The following ACACA variants were observed in gnomAD, a reference collection of about 807,000 sequenced individuals.
The protein encoded by ACACA is acetyl-CoA carboxylase 1.
In ACACA, 103 loss-of-function variants were observed where a neutral mutation model predicts 296.1. The observed-to-expected ratio is 0.35, with a 90% CI of 0.30 to 0.41. The LOEUF (loss-of-function observed/expected upper bound fraction) is 0.41, where lower values mean the gene tolerates loss of function less well. Among genes scored for constraint, ACACA ranks in the 10% least tolerant of loss-of-function variants. The probability of loss-of-function intolerance (pLI) is 1.00; values close to 1 mark genes in which losing one functional copy is unlikely to be tolerated. For synonymous variants in ACACA, 953 were observed against 1,038.6 expected, an observed-to-expected ratio of 0.92 and a Z score of 1.58; for missense variants, 1,554 against 2,989.7, an observed-to-expected ratio of 0.52 and a Z score of 11.20.
chr17:37,181,824 C>T (rs2077331601), intron 39 of ACACA, among the ~76,000 whole-genome samples: 1 of 136,618 alleles, frequency 7.3e-6, no homozygotes, highest in Non-Finnish European at 1.5e-5. Context: ...GGCGTGAACC[C>T]AGGAGGTGGA....
intron 18 of ACACA, 151 bp from the exon 19 acceptor site, chr17:37,247,127 C>A: frequency 2.3e-6 from 2 of 858,422 alleles, no homozygotes; most frequent in Non-Finnish European, 3.8e-6. Flanking sequence ...TTTACAATGT[C>A]AATTAACATA....
chr17:37,390,321 T>TA lies in ACACA; in HGVS notation c.38+15940dup, dbSNP rs2050807015. 2.2e-3 allele frequency among the ~76,000 whole-genome samples: 101 copies of TA among 46,580 alleles called. 20 individuals carry two copies. The highest frequency in any genetic ancestry group is 0.011 in the African/African-American group (101 of 9,084). 30.6% of individuals were successfully genotyped at this position (46,580 alleles called of 152,430 possible). A position where few individuals can be genotyped will look rare whatever the true frequency, so the allele number is the denominator to read the frequency against. The stretch of plus-strand genomic sequence containing the variant: ...ATACATAATTATATATATATATATA[T>TA]ATATATATATATAAAAGGCCAGCTG... On this transcript the variant is annotated intron_variant, in intron 1 of 55. Transcript: ENST00000616317.
chr17:37,259,601 C>T, intron 11 of ACACA, 71 bp from the exon 12 acceptor site: 1 of 1,536,428 alleles, frequency 6.5e-7, no homozygotes, highest in Non-Finnish European at 9.0e-7. Context: ...CAGCCTCTCA[C>T]TGACTCAACT....
At position 37,085,819 on chromosome 17, in the gene ACACA, G is replaced by A. The variant is rs1168101270; in HGVS notation, c.*1497C>T. ...AACTACAGGGTTAAGGCTCAGAACT[G>A]TGGCTTGTCCAAGAACGTTCATACC... On this transcript the variant is annotated 3_prime_UTR_variant, in exon 56 of 56. Transcript: ENST00000616317. The A allele has an allele frequency of 2.5e-6, 1 of 398,962 alleles. No homozygotes were observed. The allele number at this position is 398,962 out of a possible 1,614,324, so 24.7% of individuals were successfully genotyped here. A position where few individuals can be genotyped will look rare whatever the true frequency, so the allele number is the denominator to read the frequency against.
chr17:37,287,569 T>TAA (rs1170331801), intron 3 of ACACA, among the ~76,000 whole-genome samples: 941 of 69,836 alleles, frequency 0.013, 10 homozygotes, highest in African/African-American at 0.026. Context: ...ACGTCTCTAC[T>TAA]AAAAAAAAAA....
chr17:37,144,240 A>T, intron 45 of ACACA: 1 of 699,462 alleles, frequency 1.4e-6, no homozygotes, highest in Non-Finnish European at 2.6e-6. Flanking sequence ...TGCACAAAAA[A>T]TGCGTATGAC....
Position 37,226,534 on chromosome 17 carries a change from T to G in ACACA, c.3247-82A>C, listed in dbSNP as rs533102125. On this transcript the variant is annotated intron_variant, in intron 25 of 55. Transcript: ENST00000616317. ...AGGATTTTAAAATAGAGAAAAGGAA[T>G]GAAAACAAAGTAAACCCAGCTGGAT... 74 of 1,248,136 alleles carry G rather than the reference T, an allele frequency of 5.9e-5. No homozygotes were observed. The African/African-American group carries it at 1.0e-3, about 17-fold the overall frequency. 77.3% of individuals were successfully genotyped at this position (1,248,136 alleles called of 1,614,324 possible). A position where few individuals can be genotyped will look rare whatever the true frequency, so the allele number is the denominator to read the frequency against.
intron 3 of ACACA, among the ~76,000 whole-genome samples, chr17:37,295,850 G>A (rs1466847513): frequency 1.3e-5 from 2 of 152,014 alleles, no homozygotes; most frequent in African/African-American, 4.8e-5. Flanking sequence ...GCTTGAACCC[G>A]GGAGGCAAAG....
chr17:37,105,745 T>C (rs1254395952), intron 52 of ACACA, among the ~76,000 whole-genome samples: 1 of 150,552 alleles, frequency 6.6e-6, no homozygotes, highest in Non-Finnish European at 1.5e-5. Context: ...ATGCCTATAA[T>C]CCTAGCTACT....
intron 1 of ACACA, chr17:37,365,718 TCTC>T: frequency 1.0e-6 from 1 of 985,278 alleles, no homozygotes; most frequent in Non-Finnish European, 1.2e-6. Flanking sequence ...GGTCAGAAAA[TCTC>T]CTCAGGAAGG....
intron 54 of ACACA, among the ~76,000 whole-genome samples, chr17:37,091,371 A>G (rs907126986): frequency 5.3e-5 from 8 of 152,378 alleles, no homozygotes; most frequent in Non-Finnish European, 1.0e-4. Flanking sequence ...AATGACCGCC[A>G]AACCCCAGTG....
At chr17:37,313,355 C>T (rs2046940070) in intron 3 of ACACA, among the ~76,000 whole-genome samples, 1 of 151,694 alleles carries the variant, frequency 6.6e-6, no homozygotes, top group Non-Finnish European at 1.5e-5. Context: ...AAAGAATACT[C>T]AGAAAAATAT....
At chr17:37,221,965 A>T in intron 28 of ACACA, 123 bp from the exon 29 acceptor site, 1 of 789,964 alleles carries the variant, frequency 1.3e-6, no homozygotes, top group East Asian at 2.6e-5. Flanking sequence ...GAGAAGTCCC[A>T]AGGCCCTATG....
intron 8 of ACACA, among the ~76,000 whole-genome samples, chr17:37,275,320 A>T (rs569438413): frequency 6.6e-6 from 1 of 152,168 alleles, no homozygotes; most frequent in African/African-American, 2.4e-5. Flanking sequence ...AGATGGTGAA[A>T]GCCTGTCTCT....
intron 3 of ACACA, chr17:37,299,736 G>A (rs1024826111): frequency 1.0e-6 from 1 of 1,002,884 alleles, no homozygotes; most frequent in Non-Finnish European, 1.2e-6. Flanking sequence ...GACAGTCAAC[G>A]GAGAAAAGCT....
chr17:37,248,187 T>C, intron 17 of ACACA, 31 bp from the exon 18 acceptor site: 1 of 1,613,756 alleles, frequency 6.2e-7, no homozygotes. Context: ...GATCAGTGTG[T>C]CCCTTCCAGG....
chr17:37,283,618 G>C (rs1262384361), intron 4 of ACACA, among the ~76,000 whole-genome samples: 1 of 152,200 alleles, frequency 6.6e-6, no homozygotes, highest in East Asian at 1.9e-4. Context: ...ACTTGAGTAT[G>C]TGCCAGCTAA....
intron 7 of ACACA, among the ~76,000 whole-genome samples, 200 bp downstream of exon 7, chr17:37,276,833 A>C (rs1424763030): frequency 6.6e-6 from 1 of 152,196 alleles, no homozygotes; most frequent in African/African-American, 2.4e-5. Context: ...AACAAAATCA[A>C]GATGAAGTGA....
intron 1 of ACACA, chr17:37,392,803 CA>C (rs2050936664): frequency 6.6e-6 from 1 of 152,036 alleles, no homozygotes; most frequent in South Asian, 2.1e-4. Flanking sequence ...TGAAAGAGAA[CA>C]CATATAAAGC....
Sources: gnomAD v4.1 joint callset for allele counts (sites outside exome capture counted in the v4.1 genomes callset) on GRCh38, gnomAD v4.1.1 for gene constraint, MANE v1.5 for transcripts, NCBI Gene and HGNC (gene_info 2026-07-23, HGNC 2026-07-21) for gene names.